Variants in DNAH3 observed in about 807,000 individuals in gnomAD.
DNAH3 encodes axonemal beta dynein heavy chain 3.
A neutral mutation model predicts 432.5 loss-of-function variants in DNAH3; 332 were observed. The observed-to-expected ratio is 0.77, with a 90% confidence interval of 0.70 to 0.84. The LOEUF (loss-of-function observed/expected upper bound fraction) is 0.84. Ranked by LOEUF, DNAH3 falls within the 40% of genes least tolerant of loss-of-function variation. The pLI, the probability that DNAH3 is intolerant of heterozygous loss-of-function variation, is 0.00. For synonymous variants in DNAH3, 1,956 were observed against 1,900.2 expected (o/e 1.03, Z -0.76); for missense variants, 4,861 against 5,114.0 (o/e 0.95, Z 1.51).
chr16:21,042,045 T>C, exon 32 of DNAH3: 30 of 1,613,978 alleles, frequency 1.9e-5, no homozygotes, highest in Non-Finnish European at 2.5e-5. Context: ...TGTCGGGCAG[T>C]TCAGCCCTGC....
intron 48 of DNAH3, 63 bp from the exon 49 acceptor site, chr16:20,982,949 C>T (rs372369772): frequency 1.1e-4 from 169 of 1,589,756 alleles, no homozygotes; most frequent in Non-Finnish European, 1.3e-4. Flanking sequence ...AGGAGGCAGG[C>T]GGGTATTCCC....
chr16:21,033,978 G>A lies in DNAH3; in HGVS notation c.5193C>T (p.His1731=), dbSNP rs753204239. The stretch of plus-strand genomic sequence containing the variant: ...AGCCAGGGATGTGAGCTTTACCTGC[G>A]TGTAAATCGCCGAGAGCTGCAGCCA... Residue 1731 remains histidine (H), a synonymous_variant, in exon 36 of 62, where the codon CAC becomes CAT. Coordinates refer to ENST00000261383, the Ensembl canonical transcript of DNAH3. 43 of 1,612,056 alleles carry A rather than the reference G, an allele frequency of 2.7e-5. No homozygotes were observed. In the East Asian group the frequency reaches 4.0e-4, roughly 15 times the overall value.
At chr16:21,113,084 G>A (rs559068585) in intron 12 of DNAH3, among the ~76,000 whole-genome samples, 1 of 152,200 alleles carries the variant, frequency 6.6e-6, no homozygotes, top group East Asian at 1.9e-4. Flanking sequence ...GAGATTTTGG[G>A]GGACTAATGG....
chr16:21,108,740 C>A (rs1297628334), intron 14 of DNAH3, among the ~76,000 whole-genome samples: 2 of 151,924 alleles, frequency 1.3e-5, no homozygotes, highest in African/African-American at 2.4e-5. Flanking sequence ...AAGACCCTGT[C>A]TCAATTTTTT....
At chr16:21,135,809 C>G (rs1341999842) in intron 6 of DNAH3, among the ~76,000 whole-genome samples, 2 of 148,744 alleles carry the variant, frequency 1.3e-5, no homozygotes, top group East Asian at 4.0e-4. Flanking sequence ...GAGGCCGAGG[C>G]AGGAGGATCT....
chr16:21,157,487 G>A (rs2092906823), intron 1 of DNAH3, among the ~76,000 whole-genome samples: 1 of 151,810 alleles, frequency 6.6e-6, no homozygotes, highest in Non-Finnish European at 1.5e-5. Context: ...GCACCACCAT[G>A]CCTGGCTAGT....
At chr16:21,080,867 C>T (rs536843744) in intron 20 of DNAH3, among the ~76,000 whole-genome samples, 1 of 152,290 alleles carries the variant, frequency 6.6e-6, no homozygotes, top group Admixed American at 6.5e-5. Context: ...CACACACAAA[C>T]TCCAGGGGAA....
At chr16:21,109,445 A>G (rs993322494) in intron 14 of DNAH3, among the ~76,000 whole-genome samples, 1 of 152,184 alleles carries the variant, frequency 6.6e-6, no homozygotes, top group African/African-American at 2.4e-5. Flanking sequence ...TGTGCTGGGA[A>G]GATGGTCACT....
intron 1 of DNAH3, chr16:21,159,277 C>G: frequency 6.6e-7 from 1 of 1,509,274 alleles, no homozygotes; most frequent in Non-Finnish European, 9.2e-7. Context: ...CCTCTGAGTT[C>G]CCATTATTCA....
chr16:20,952,434 T>C, exon 56 of DNAH3: 4 of 1,593,552 alleles, frequency 2.5e-6, no homozygotes, highest in Non-Finnish European at 3.4e-6. Context: ...CGTAAATACC[T>C]GTCAGGTAGG....
At chr16:20,960,456 C>T (rs2084767013) in intron 53 of DNAH3, among the ~76,000 whole-genome samples, 1 of 152,130 alleles carries the variant, frequency 6.6e-6, no homozygotes, top group Non-Finnish European at 1.5e-5. Context: ...GAGGCCGAGA[C>T]GAGCGGATCA....
exon 53 of DNAH3, chr16:20,964,464 A>C: frequency 6.2e-7 from 1 of 1,614,238 alleles, no homozygotes; most frequent in Non-Finnish European, 8.5e-7. Context: ...TGAGCAAGAT[A>C]GGTTCGATAG....
exon 6 of DNAH3, chr16:21,136,440 C>T (rs760379497): frequency 2.8e-5 from 45 of 1,613,968 alleles, no homozygotes; most frequent in Middle Eastern, 1.6e-4. Context: ...CTTTGAAATC[C>T]GAACCATCAC....
Position 21,041,934 on chromosome 16 carries a change from A to G in DNAH3, c.4638+93T>C, listed in dbSNP as rs527474992. ...GTGATTTGCCCACCTTGGCCTCCCA[A>G]AGTGCTGGGATTATAGGTGTGAGCC... On this transcript the variant is annotated intron_variant, in intron 32 of 61. Transcript: ENST00000261383. The G allele has an allele frequency of 1.7e-3, 2,580 of 1,478,372 alleles. 8 individuals are homozygous for G. The highest frequency in any genetic ancestry group is 1.8e-3 in the Non-Finnish European group (1,883 of 1,069,414). The allele number at this position is 1,478,372 out of a possible 1,614,324, so 91.6% of individuals were successfully genotyped here.
chr16:20,962,314 A>G lies in DNAH3; in HGVS notation c.10600+970T>C, dbSNP rs188064099. On this transcript the variant is annotated intron_variant, in intron 53 of 61. Transcript: ENST00000261383. ...TGGCTGCACACTGGAATTACTGGAA[A>G]GGCTTCATAAAACACAATTCGTGGG... Among the ~76,000 whole-genome samples the G allele has an allele frequency of 8.7e-4, 133 of 152,334 alleles. 3 individuals are homozygous for G. Among genetic ancestry groups the G allele is most frequent in the Admixed American group, 7.8e-3 (119 of 15,296 alleles).
Position 21,111,592 on chromosome 16 carries a change from A to G in DNAH3, c.2099+34T>C, listed in dbSNP as rs996843357. 3.1e-6 allele frequency: 5 copies of G among 1,588,122 alleles called. No homozygotes were observed. In the African/African-American group the frequency reaches 6.7e-5, roughly 21 times the overall value. Reference sequence around the variant, plus strand: ...TTTTCGTCTCCAGTTGGTGCCAAATACCATTGCTATTTGTCTGCACAGAAT... The same window carrying G: ...TTTTCGTCTCCAGTTGGTGCCAAATGCCATTGCTATTTGTCTGCACAGAAT... On this transcript the variant is annotated intron_variant, in intron 14 of 61. Coordinates refer to ENST00000261383, the Ensembl canonical transcript of DNAH3.
chr16:20,989,010 C>G (rs562462513), intron 44 of DNAH3, among the ~76,000 whole-genome samples: 1 of 152,192 alleles, frequency 6.6e-6, no homozygotes, highest in African/African-American at 2.4e-5. Flanking sequence ...AGTGTTACAG[C>G]TCATAAAAGC....
rs34449371 is a variant in DNAH3 at position 21,157,336 on chromosome 16, C to CTT, written c.117+1987_117+1988dup. On this transcript the variant is annotated intron_variant, in intron 1 of 61. Transcript: ENST00000261383. ...CCTCACTACAACCCTGTGATTGCTT[C>CTT]TTTTTTTTTTTTTTTTTTTTTGAGA... Among the ~76,000 whole-genome samples, 195 of 111,840 alleles carry CTT rather than the reference C, an allele frequency of 1.7e-3. 2 individuals are homozygous for CTT. The highest frequency in any genetic ancestry group is 2.7e-3 in the Non-Finnish European group (154 of 57,112). 73.4% of individuals were successfully genotyped at this position (111,840 alleles called of 152,430 possible).
intron 4 of DNAH3, 103 bp downstream of exon 5, chr16:21,141,197 G>C: frequency 1.2e-6 from 1 of 838,754 alleles, no homozygotes; most frequent in Non-Finnish European, 1.9e-6. Flanking sequence ...TGATTATCTG[G>C]GAATGCTTTG....
Sources: allele counts gnomAD v4.1 joint callset (sites outside exome capture counted in the v4.1 genomes callset), GRCh38; gene constraint gnomAD v4.1.1; transcripts MANE v1.5; gene names NCBI Gene and HGNC (gene_info 2026-07-23, HGNC 2026-07-21).